The following TGFB2 variants were observed in gnomAD, a reference collection of about 807,000 sequenced individuals.
TGFB2 encodes the protein transforming growth factor beta 2.
A neutral mutation model predicts 42.7 loss-of-function variants in TGFB2; 13 were observed. The observed-to-expected ratio is 0.30, with a 90% CI of 0.20 to 0.48. TGFB2 has a LOEUF of 0.48. Ranked by LOEUF, TGFB2 falls within the 20% of genes least tolerant of loss-of-function variation. TGFB2 has a pLI of 0.99. For synonymous variants in TGFB2, 193 were observed against 193.6 expected (o/e 1.00, Z 0.03); for missense variants, 390 against 517.5 (o/e 0.75, Z 2.39).
At chr1:218,434,823 T>A (rs539893661) in intron 4 of TGFB2, among the ~76,000 whole-genome samples, 4 of 152,182 alleles carry the variant, frequency 2.6e-5, no homozygotes, top group Non-Finnish European at 5.9e-5. Context: ...CCAAACCAAA[T>A]GTCAGGAACT....
intron 2 of TGFB2, among the ~76,000 whole-genome samples, chr1:218,418,299 A>G (rs948954787): frequency 3.3e-5 from 5 of 152,212 alleles, no homozygotes; most frequent in African/African-American, 1.2e-4. Flanking sequence ...TAAGGAGATC[A>G]TTTTGGAGCT....
At chr1:218,437,832 T>C (rs1401523030) in intron 6 of TGFB2, among the ~76,000 whole-genome samples, 3 of 152,184 alleles carry the variant, frequency 2.0e-5, no homozygotes, top group Non-Finnish European at 4.4e-5. Context: ...TATTTTATAT[T>C]CTTTTTCAAA....
intron 1 of TGFB2, among the ~76,000 whole-genome samples, chr1:218,374,166 C>G (rs959677944): frequency 3.9e-5 from 6 of 152,154 alleles, no homozygotes; most frequent in Admixed American, 3.3e-4. Context: ...TTGTTGTTGG[C>G]AGATTTGTAA....
chr1:218,395,390 T>A (rs1658470186), intron 1 of TGFB2, among the ~76,000 whole-genome samples: 1 of 152,200 alleles, frequency 6.6e-6, no homozygotes, highest in Admixed American at 6.5e-5. Context: ...GAGGAGGAGC[T>A]GCTGCCTTGT....
Position 218,442,480 on chromosome 1 carries a change from C to T in TGFB2, c.*1118C>T, listed in dbSNP as rs1024194058. Reference sequence around the variant, plus strand: ...TAATGTCAACTATGATTTAGATTGACTTAAATTTGGGCTCTTTTTAATGAT... The same window carrying T: ...TAATGTCAACTATGATTTAGATTGATTTAAATTTGGGCTCTTTTTAATGAT... On this transcript the variant is annotated 3_prime_UTR_variant, in exon 7 of 7. Coordinates refer to ENST00000366930, the MANE Select transcript of TGFB2 (RefSeq NM_003238.6). 6.6e-6 allele frequency: 1 copy of T among 152,020 alleles called. No homozygotes were observed. The highest frequency in any genetic ancestry group is 2.4e-5 in the African/African-American group (1 of 41,400). The allele number at this position is 152,020 out of a possible 1,614,324, so 9.4% of individuals were successfully genotyped here. A position where few individuals can be genotyped will look rare whatever the true frequency, so the allele number is the denominator to read the frequency against.
chr1:218,362,443 C>G (rs576118833), intron 1 of TGFB2, among the ~76,000 whole-genome samples: 10 of 152,312 alleles, frequency 6.6e-5, no homozygotes, highest in African/African-American at 2.2e-4. Flanking sequence ...TATATCATCT[C>G]ATTTCAATTT....
chr1:218,367,256 C>T (rs1291462766), intron 1 of TGFB2, among the ~76,000 whole-genome samples: 7 of 152,102 alleles, frequency 4.6e-5, no homozygotes, highest in Non-Finnish European at 8.8e-5. Flanking sequence ...CTCTTGGTGG[C>T]CTGAATCGTG....
chr1:218,371,628 T>C (rs1275775538), intron 1 of TGFB2, among the ~76,000 whole-genome samples: 1 of 152,204 alleles, frequency 6.6e-6, no homozygotes, highest in African/African-American at 2.4e-5. Context: ...AACTCAGGCT[T>C]ACCTCCAAAG....
At chr1:218,435,121 A>G (rs1659929467) in intron 4 of TGFB2, among the ~76,000 whole-genome samples, 18 of 152,170 alleles carry the variant, frequency 1.2e-4, no homozygotes, top group Admixed American at 1.2e-3. Context: ...GTGAGAGGAA[A>G]TCCATGCCTA....
At position 218,346,065 on chromosome 1, in the gene TGFB2, C is replaced by G. The variant is rs1236353422; in HGVS notation, c.-637C>G. Among the ~76,000 whole-genome samples, 1 of 151,772 alleles carries G rather than the reference C, an allele frequency of 6.6e-6. No individual in the cohort carries two copies. The highest frequency in any genetic ancestry group is 1.5e-5 in the Non-Finnish European group (1 of 67,926). ...CCCAGCGCGCGCACACGCACACACA[C>G]ACACACACACACACACGCACGCACA... On this transcript the variant is annotated 5_prime_UTR_variant, in exon 1 of 7. Coordinates refer to ENST00000366930, the MANE Select transcript of TGFB2 (RefSeq NM_003238.6). The surrounding 1 kb of genome is among the most constrained non-coding windows in gnomAD (Gnocchi z 4.9).
chr1:218,419,071 C>T (rs1283322227), intron 2 of TGFB2, among the ~76,000 whole-genome samples: 1 of 152,210 alleles, frequency 6.6e-6, no homozygotes, highest in Admixed American at 6.5e-5. Context: ...AAAGTCTTCT[C>T]TTTAAAGCTC....
intron 1 of TGFB2, among the ~76,000 whole-genome samples, chr1:218,367,988 C>T (rs564672988): frequency 1.4e-4 from 22 of 151,828 alleles, no homozygotes; most frequent in African/African-American, 1.9e-4. Flanking sequence ...TTTTTAGTAG[C>T]GACAGGGTCT....
At chr1:218,418,167 A>C (rs1180194109) in intron 2 of TGFB2, among the ~76,000 whole-genome samples, 7 of 152,160 alleles carry the variant, frequency 4.6e-5, no homozygotes, top group African/African-American at 1.7e-4. Flanking sequence ...GACACTCAAC[A>C]CTAGCCCATA....
chr1:218,380,037 A>G (rs561869308), intron 1 of TGFB2, among the ~76,000 whole-genome samples: 7 of 152,332 alleles, frequency 4.6e-5, no homozygotes, highest in East Asian at 1.9e-4. Flanking sequence ...CCTGGCAATA[A>G]TAGGTATTAT....
chr1:218,432,419 G>A (rs937966484), intron 2 of TGFB2, among the ~76,000 whole-genome samples: 1 of 152,054 alleles, frequency 6.6e-6, no homozygotes, highest in Non-Finnish European at 1.5e-5. Context: ...TAAGTCTTGT[G>A]TAAAATTCAT....
intron 1 of TGFB2, among the ~76,000 whole-genome samples, chr1:218,358,847 C>T (rs1657121958): frequency 6.6e-6 from 1 of 152,066 alleles, no homozygotes; most frequent in Admixed American, 6.6e-5. Flanking sequence ...CAGCAGTGAA[C>T]TCTTGTAATA....
chr1:218,417,977 G>A (rs561203571), intron 2 of TGFB2, among the ~76,000 whole-genome samples: 68 of 152,346 alleles, frequency 4.5e-4, no homozygotes, highest in African/African-American at 1.2e-3. Context: ...GTAGGGGCAG[G>A]GTCCTCATGG....
At chr1:218,432,677 A>T (rs1296575004) in intron 2 of TGFB2, among the ~76,000 whole-genome samples, 3 of 152,224 alleles carry the variant, frequency 2.0e-5, no homozygotes, top group Admixed American at 2.0e-4. Flanking sequence ...CATTTAATAG[A>T]TATTGATTCA....
chr1:218,404,051 C>CAAAA (rs35450089), intron 1 of TGFB2, among the ~76,000 whole-genome samples: 8 of 99,756 alleles, frequency 8.0e-5, no homozygotes, highest in African/African-American at 1.1e-4. Context: ...TGGCAGATTA[C>CAAAA]AAAAAAAAAA....
Sources: allele counts gnomAD v4.1 joint callset (sites outside exome capture counted in the v4.1 genomes callset), GRCh38; gene constraint gnomAD v4.1.1; non-coding constraint Gnocchi (gnomAD v3.1); transcripts MANE v1.5; gene names NCBI Gene and HGNC (gene_info 2026-07-23, HGNC 2026-07-21).